LRRC47: variants seen among roughly 807,000 people sequenced by gnomAD.
LRRC47 encodes leucine-rich repeat-containing protein 47.
A neutral mutation model predicts 40.9 loss-of-function variants in LRRC47; 31 were observed. The observed-to-expected ratio is 0.76, with a 90% CI of 0.57 to 1.02. The LOEUF (loss-of-function observed/expected upper bound fraction) is 1.02, where lower values mean the gene tolerates loss of function less well. Ranked by LOEUF, LRRC47 falls within the 50% of genes least tolerant of loss-of-function variation. The pLI, the probability that LRRC47 is intolerant of heterozygous loss-of-function variation, is 0.00. For synonymous variants in LRRC47, 427 were observed against 371.9 expected (o/e 1.15, Z -1.70); for missense variants, 726 against 796.1 (o/e 0.91, Z 1.06).
At chr1:3,795,078 T>C (rs1470007870) in intron 1 of LRRC47, among the ~76,000 whole-genome samples, 2 of 123,138 alleles carry the variant, frequency 1.6e-5, no homozygotes, top group Non-Finnish European at 3.4e-5. Flanking sequence ...AAAAAAGAAA[T>C]GTCTGCATAA....
At position 3,787,309 on chromosome 1, in the gene LRRC47, G is replaced by A. The variant is rs376718374; in HGVS notation, c.617C>T (p.Thr206Met). The part of the protein sequence containing the change: ...PDIAHLASLK[T>M]LDLSNNQLSE... The stretch of plus-strand genomic sequence containing the variant: ...CAGCTGGTTGTTCGAGAGGTCCAAC[G>A]TCTGCAAAGAGAAACATGGACGCGT... The change falls in exon 2 of 7, where the codon ACG (threonine) becomes ATG (methionine). Residue 206 changes from threonine (T) to methionine (M), a missense_variant and splice_region_variant. Physicochemically the swap from Thr to Met is moderately conservative, Grantham distance 81. Transcript: ENST00000378251. The A allele has an allele frequency of 8.5e-5, 137 of 1,608,072 alleles. No homozygotes were observed. The highest frequency in any genetic ancestry group is 1.6e-4 in the Middle Eastern group (1 of 6,074).
At chr1:3,794,139 G>A (rs1643652456) in intron 1 of LRRC47, among the ~76,000 whole-genome samples, 1 of 152,036 alleles carries the variant, frequency 6.6e-6, no homozygotes, top group South Asian at 2.1e-4. Context: ...AGCTTGCAGT[G>A]AGCCAAGGTT....
intron 1 of LRRC47, among the ~76,000 whole-genome samples, chr1:3,788,334 C>A (rs1041670101): frequency 6.6e-6 from 1 of 152,228 alleles, no homozygotes; most frequent in Non-Finnish European, 1.5e-5. Context: ...GGATGCAAAG[C>A]CTGACCCTCG....
chr1:3,795,903 G>C lies in LRRC47; in HGVS notation c.574C>G (p.Arg192Gly), dbSNP rs1334655747. Reference sequence around the variant, plus strand: ...TGGGCGATGTCGGGGCTGAGTTCTCGGAGGCAGTTGTCAGCAGCCGCCAGT... The same window carrying C: ...TGGGCGATGTCGGGGCTGAGTTCTCCGAGGCAGTTGTCAGCAGCCGCCAGT... Reference protein sequence around the residue: ...SELAAADNCLRELSPDIAHLA... With the variant: ...SELAAADNCLGELSPDIAHLA... The change falls in exon 1 of 7, where the codon CGA becomes GGA. Residue 192 changes from arginine (R) to glycine (G), a missense_variant. By Grantham distance (125) the Arg-to-Gly change is moderately radical (BLOSUM62 -2). Transcript: ENST00000378251. 6 of 1,598,012 alleles carry C rather than the reference G, an allele frequency of 3.8e-6. No individual in the cohort carries two copies. The highest frequency in any genetic ancestry group is 1.1e-5 in the South Asian group (1 of 89,892).
At chr1:3,785,008 T>A in intron 3 of LRRC47, 79 bp downstream of exon 3, 1 of 1,107,498 alleles carries the variant, frequency 9.0e-7, no homozygotes, top group South Asian at 1.6e-5. Context: ...AAAAAAAAAG[T>A]TCGGGCTGCA....
chr1:3,795,934 G>T lies in LRRC47; in HGVS notation c.543C>A (p.Leu181=). ...ELFRPGALPL[L]SELAAADNCL... is the part of the protein sequence containing the mutation. ...AGTTGTCAGCAGCCGCCAGTTCACT[G>T]AGCAGGGGCAGCGCGCCGGGGCGAA... Residue 181 remains leucine, a synonymous_variant, in exon 1 of 7, where the codon CTC becomes CTA. Coordinates refer to ENST00000378251, the MANE Select transcript of LRRC47 (RefSeq NM_020710.3). 6.2e-7 allele frequency: 1 copy of T among 1,602,410 alleles called. No individual in the cohort carries two copies.
Position 3,787,045 on chromosome 1 carries a change from C to G in LRRC47, c.881G>C (p.Gly294Ala). 16 of 1,613,226 alleles carry G rather than the reference C, an allele frequency of 9.9e-6. No homozygotes were observed. Among genetic ancestry groups the G allele is most frequent in the Non-Finnish European group, 1.4e-5 (16 of 1,179,668 alleles). Residue 294 changes from glycine to alanine, a missense_variant, in exon 2 of 7, where the codon GGT becomes GCT. Physicochemically the swap from Gly to Ala is moderately conservative, Grantham distance 60. Coordinates refer to ENST00000378251, the MANE Select transcript of LRRC47 (RefSeq NM_020710.3). The stretch of plus-strand genomic sequence containing the variant: ...TCCCACGTCCTGCTCCTCCCCATCA[C>G]CACCTTCCCGCCTCTGCTTCCTCTC... ...RRERKQRREG[G>A]DGEEQDVGDA... is the part of the protein sequence containing the mutation.
chr1:3,789,925 G>T (rs2124613297), intron 1 of LRRC47, among the ~76,000 whole-genome samples: 1 of 152,332 alleles, frequency 6.6e-6, no homozygotes, highest in South Asian at 2.1e-4. Flanking sequence ...TCACTTGTGT[G>T]AGGGAGCAAG....
rs1053796921 is a variant in LRRC47, at chr1:3,796,001, T to C, written c.476A>G (p.Asn159Ser). The change falls in exon 1 of 7, where the codon AAC becomes AGC. Residue 159 changes from asparagine to serine, a missense_variant. Asn to Ser is a conservative substitution (Grantham distance 46). Transcript: ENST00000378251. The part of the protein sequence containing the change: ...ARCAPRLQSL[N>S]LTGNCLDSFP... ...GGAGTCTAGGCAATTGCCGGTGAGGTTGAGGCTCTGCAGGCGCGGGGCGCA... is the reference window on the plus strand; with the variant it reads ...GGAGTCTAGGCAATTGCCGGTGAGGCTGAGGCTCTGCAGGCGCGGGGCGCA... 5 of 1,564,448 alleles carry C rather than the reference T, an allele frequency of 3.2e-6. No individual in the cohort carries two copies. Among genetic ancestry groups the C allele is most frequent in the Admixed American group, 1.9e-5 (1 of 52,264 alleles).
chr1:3,785,510 T>C (rs2124610772), intron 2 of LRRC47: 1 of 158,918 alleles, frequency 6.3e-6, no homozygotes, highest in South Asian at 2.0e-4. Context: ...AACTAAAATG[T>C]AAATAAAGGC....
chr1:3,792,777 T>C (rs567682802), intron 1 of LRRC47, among the ~76,000 whole-genome samples: 1 of 152,342 alleles, frequency 6.6e-6, no homozygotes, highest in Admixed American at 6.5e-5. Context: ...ACTTGAATAC[T>C]GAAAGACATC....
rs1643675089 is a variant in LRRC47, at chr1:3,796,233, G to A, written c.244C>T (p.Leu82=). The change falls in exon 1 of 7, where the codon CTG becomes TTG. Residue 82 remains leucine (L), a synonymous_variant. Transcript: ENST00000378251. ...CCGGGCCCCAGCGCGTTGCGCCGCA[G>A]CACGAGGCTGTGCAGCTGCGGCAGG... ...QGLPQLHSLV[L]RRNALGPGLS... is the part of the protein sequence containing the mutation. The A allele has an allele frequency of 2.1e-6, 3 of 1,442,894 alleles. No individual in the cohort carries two copies. Among genetic ancestry groups the A allele is most frequent in the Non-Finnish European group, 2.7e-6 (3 of 1,107,510 alleles). The allele number at this position is 1,442,894 out of a possible 1,614,324, so 89.4% of individuals were successfully genotyped here. A position where few individuals can be genotyped will look rare whatever the true frequency, so the allele number is the denominator to read the frequency against.
At position 3,779,502 on chromosome 1, in the gene LRRC47, T is replaced by G. The variant is rs1643498492; in HGVS notation, c.*1586A>C. ...AGCACACTGACTCCCGGGAGTGGTGTGCACGCACATGTGGTGCCTGGACAT... is the reference window on the plus strand; with the variant it reads ...AGCACACTGACTCCCGGGAGTGGTGGGCACGCACATGTGGTGCCTGGACAT... On this transcript the variant is annotated 3_prime_UTR_variant, in exon 7 of 7. Coordinates refer to ENST00000378251, the MANE Select transcript of LRRC47 (RefSeq NM_020710.3). 1 of 152,182 alleles carries G rather than the reference T, an allele frequency of 6.6e-6. No individual in the cohort carries two copies. The highest frequency in any genetic ancestry group is 1.5e-5 in the Non-Finnish European group (1 of 68,048). 9.4% of individuals were successfully genotyped at this position (152,182 alleles called of 1,614,324 possible). A position where few individuals can be genotyped will look rare whatever the true frequency, so the allele number is the denominator to read the frequency against.
At chr1:3,792,795 T>A (rs1471670771) in intron 1 of LRRC47, among the ~76,000 whole-genome samples, 2 of 152,162 alleles carry the variant, frequency 1.3e-5, no homozygotes, top group Non-Finnish European at 2.9e-5. Context: ...ATCTATGAAT[T>A]TGAAGAGAAA....
In LRRC47 at chr1:3,785,200, T is replaced by C; in HGVS notation, c.1081A>G (p.Lys361Glu). ...TTCTCACAGAGATCTTCGTGGAGCT[T>C]GGTCTGTAACACAGAAGCAGTGATG... ...ALKRFLTSQT[K>E]LHEDLCEKRT... Residue 361 changes from lysine (K) to glutamate (E), a missense_variant, in exon 3 of 7, where the codon AAG becomes GAG. By Grantham distance (56) the Lys-to-Glu change is moderately conservative. Coordinates refer to ENST00000378251, the MANE Select transcript of LRRC47 (RefSeq NM_020710.3). 1 of 1,565,128 alleles carries C rather than the reference T, an allele frequency of 6.4e-7. No individual in the cohort carries two copies. Among genetic ancestry groups the C allele is most frequent in the Non-Finnish European group, 8.6e-7 (1 of 1,157,400 alleles).
intron 1 of LRRC47, among the ~76,000 whole-genome samples, chr1:3,791,532 C>T (rs1262539265): frequency 1.3e-5 from 2 of 152,250 alleles, no homozygotes; most frequent in Admixed American, 6.5e-5. Flanking sequence ...TCTTGGCTCA[C>T]CGAAACCTCC....
chr1:3,792,044 G>A (rs1182929828), intron 1 of LRRC47, among the ~76,000 whole-genome samples: 2 of 152,180 alleles, frequency 1.3e-5, no homozygotes, highest in African/African-American at 2.4e-5. Flanking sequence ...ATGAACCACT[G>A]TGCCCAGCCT....
At chr1:3,788,132 G>T (rs984604997) in intron 1 of LRRC47, among the ~76,000 whole-genome samples, 1 of 152,234 alleles carries the variant, frequency 6.6e-6, no homozygotes, top group Non-Finnish European at 1.5e-5. Context: ...GGGAACGTGC[G>T]TGTGAGGGCA....
chr1:3,778,664 A>G lies in LRRC47; in HGVS notation c.*2424T>C, dbSNP rs1570732493. ...TAAATACATTTCCAGCATCTCACGC[A>G]TCACAAGCTGCATCAGGAAAGGGCA... On this transcript the variant is annotated 3_prime_UTR_variant, in exon 7 of 7. Transcript: ENST00000378251. 1 of 153,308 alleles carries G rather than the reference A, an allele frequency of 6.5e-6. No individual in the cohort carries two copies. Among genetic ancestry groups the G allele is most frequent in the South Asian group, 2.1e-4 (1 of 4,852 alleles). 9.5% of individuals were successfully genotyped at this position (153,308 alleles called of 1,614,324 possible).
Sources: allele counts gnomAD v4.1 joint callset (sites outside exome capture counted in the v4.1 genomes callset), GRCh38; gene constraint gnomAD v4.1.1; transcripts MANE v1.5; gene names NCBI Gene and HGNC (gene_info 2026-07-23, HGNC 2026-07-21).